The following COG3 variants were observed in gnomAD, a reference collection of about 807,000 sequenced individuals.
COG3 encodes the protein component of oligomeric golgi complex 3.
COG3 carries 32 observed loss-of-function variants against 114.1 expected under a neutral mutation model. That is an observed-to-expected ratio of 0.28 (90% CI 0.21 to 0.38). COG3 has a LOEUF of 0.38. Ranked by LOEUF, COG3 falls within the 10% of genes least tolerant of loss-of-function variation. The pLI is 1.00. For synonymous variants in COG3, 352 were observed against 365.7 expected (o/e 0.96, Z 0.43); for missense variants, 813 against 973.2 (o/e 0.84, Z 2.19).
At position 45,536,229 on chromosome 13, in the gene COG3, G is replaced by T. The variant is rs1873539630; in HGVS notation, c.*1498G>T. On this transcript the variant is annotated 3_prime_UTR_variant, in exon 23 of 23. Transcript: ENST00000349995. ...AAATACATGTTTAATGAAATAAACT[G>T]TAAAATATCCAGTTTTGTGTATTAT... is the stretch of plus-strand genomic sequence containing the variant. 1 of 152,208 alleles carries T rather than the reference G, an allele frequency of 6.6e-6. No homozygotes were observed. Among genetic ancestry groups the T allele is most frequent in the Non-Finnish European group, 1.5e-5 (1 of 68,046 alleles). 9.4% of individuals were successfully genotyped at this position (152,208 alleles called of 1,614,324 possible).
chr13:45,466,840 T>C (rs1470688411), intron 1 of COG3, among the ~76,000 whole-genome samples: 1 of 152,252 alleles, frequency 6.6e-6, no homozygotes, highest in Non-Finnish European at 1.5e-5. Flanking sequence ...CACCCCATTC[T>C]TCCATATTTA....
At chr13:45,505,253 A>G (rs1314704464) in intron 14 of COG3, among the ~76,000 whole-genome samples, 1 of 151,798 alleles carries the variant, frequency 6.6e-6, no homozygotes, top group Non-Finnish European at 1.5e-5. Flanking sequence ...TGTTAAAATG[A>G]TATTTTGGAC....
intron 2 of COG3, among the ~76,000 whole-genome samples, chr13:45,478,438 G>A (rs527424171): frequency 1.1e-4 from 17 of 149,580 alleles, no homozygotes; most frequent in Admixed American, 1.1e-3. Flanking sequence ...CTCGGCCTCC[G>A]AAAGTGCTGA....
At chr13:45,480,019 C>T (rs1886149468) in intron 3 of COG3, 106 bp from the exon 4 acceptor site, 3 of 913,280 alleles carry the variant, frequency 3.3e-6, no homozygotes, top group Non-Finnish European at 1.7e-6. Flanking sequence ...GGCAGTTTTC[C>T]TCCTGAAATT....
At chr13:45,524,628 C>T (rs1872509280) in intron 19 of COG3, among the ~76,000 whole-genome samples, 1 of 152,132 alleles carries the variant, frequency 6.6e-6, no homozygotes, top group Non-Finnish European at 1.5e-5. Context: ...ACGTAACAGT[C>T]CCCTTAAGAG....
intron 21 of COG3, 106 bp downstream of exon 21, chr13:45,530,024 T>C: frequency 1.6e-6 from 2 of 1,249,892 alleles, no homozygotes; most frequent in Non-Finnish European, 2.2e-6. Flanking sequence ...GTTGGTATAC[T>C]GTTCTAGTGA....
intron 22 of COG3, among the ~76,000 whole-genome samples, chr13:45,532,923 T>C (rs1370759914): frequency 6.6e-6 from 1 of 151,586 alleles, no homozygotes; most frequent in Non-Finnish European, 1.5e-5. Context: ...TTTGTGTTCA[T>C]GGGGGAAGAT....
In COG3 at chr13:45,486,161, C is replaced by G. The variant is rs879687291; in HGVS notation, c.844-334C>G. 1.3e-3 allele frequency among the ~76,000 whole-genome samples: 192 copies of G among 143,652 alleles called. 1 individual carries two copies. The highest frequency in any genetic ancestry group is 1.9e-3 in the Non-Finnish European group (131 of 67,196). 94.2% of individuals were successfully genotyped at this position (143,652 alleles called of 152,430 possible). ...CCCGTCTCCACCAAAACCAATCAGG[C>G]GTGGCGGTGCGTGCCTGCAATCGCA... is the stretch of plus-strand genomic sequence containing the variant. On this transcript the variant is annotated intron_variant, in intron 7 of 22. Transcript: ENST00000349995.
At chr13:45,514,360 C>A (rs551496152) in intron 16 of COG3, among the ~76,000 whole-genome samples, 2 of 152,020 alleles carry the variant, frequency 1.3e-5, no homozygotes, top group African/African-American at 4.8e-5. Context: ...AGGGTTTCAC[C>A]GTGTTGGCCA....
intron 11 of COG3, among the ~76,000 whole-genome samples, chr13:45,492,652 A>G (rs2137831392): frequency 6.6e-6 from 1 of 152,258 alleles, no homozygotes; most frequent in East Asian, 1.9e-4. Flanking sequence ...TTTTCTCAAA[A>G]TGTCTTTCAG....
chr13:45,522,303 T>C (rs1011502030), intron 19 of COG3, among the ~76,000 whole-genome samples: 1 of 152,182 alleles, frequency 6.6e-6, no homozygotes, highest in Non-Finnish European at 1.5e-5. Context: ...ACAATATAGA[T>C]GTATTACCGT....
chr13:45,513,499 TTA>T (rs3992924), intron 16 of COG3, among the ~76,000 whole-genome samples: 29,282 of 38,384 alleles, frequency 0.76, 11,955 homozygotes, highest in Admixed American at 0.85. Context: ...TACATATAAA[TTA>T]TATATATAAT....
intron 7 of COG3, among the ~76,000 whole-genome samples, chr13:45,484,176 T>G (rs7323384): frequency 0.097 from 14,827 of 152,262 alleles, 2,049 homozygotes; most frequent in African/African-American, 0.31. Context: ...CTTGTGATGT[T>G]TGGCTTGCAT....
At chr13:45,530,513 C>T (rs1001232746) in intron 21 of COG3, among the ~76,000 whole-genome samples, 169 bp from the exon 22 acceptor site, 1 of 152,200 alleles carries the variant, frequency 6.6e-6, no homozygotes. Flanking sequence ...AAGTCTTCAT[C>T]AGGTCATGCC....
At chr13:45,528,852 T>C (rs1391077219) in intron 20 of COG3, among the ~76,000 whole-genome samples, 1 of 152,228 alleles carries the variant, frequency 6.6e-6, no homozygotes, top group African/African-American at 2.4e-5. Context: ...ACTCTTAACA[T>C]GTCTGTATAC....
chr13:45,500,059 T>TGTGA (rs1555296795), intron 13 of COG3, among the ~76,000 whole-genome samples: 12 of 53,188 alleles, frequency 2.3e-4, no homozygotes, highest in Admixed American at 6.1e-4. Context: ...TGTGTGTGTG[T>TGTGA]GTGTGTGAGT....
At chr13:45,476,506 G>A (rs539516713) in intron 2 of COG3, among the ~76,000 whole-genome samples, 159 bp downstream of exon 2, 1 of 152,250 alleles carries the variant, frequency 6.6e-6, no homozygotes, top group East Asian at 1.9e-4. Flanking sequence ...GGCTGTTTAC[G>A]TGTTTTAAAT....
chr13:45,511,829 C>T lies in COG3; in HGVS notation c.1784C>T (p.Ala595Val), dbSNP rs779277685. The T allele has an allele frequency of 1.3e-5, 21 of 1,613,506 alleles. No homozygotes were observed. In the East Asian group the frequency reaches 2.9e-4, roughly 22 times the overall value. Residue 595 changes from alanine to valine, a missense_variant, in exon 16 of 23, where the codon GCG (alanine) becomes GTG (valine). Ala to Val is a moderately conservative substitution (Grantham distance 64). This residue lies in a region of COG3 where 389 missense variants were observed against 542.6 expected (regional missense o/e 0.72). Transcript: ENST00000349995. ...GCCTGCATTCAGTCCTTACTTGGAG[C>T]GTCAGAGTCTATCAGCAAAAACAAG... is the stretch of plus-strand genomic sequence containing the variant. ...LSACIQSLLG[A>V]SESISKNKTQ...
intron 22 of COG3, chr13:45,534,473 T>G: frequency 5.2e-6 from 2 of 385,694 alleles, no homozygotes; most frequent in Non-Finnish European, 4.6e-6. Flanking sequence ...TTTTCTCTCA[T>G]TCTGTTTTTG....
Sources: gnomAD v4.1 joint callset for allele counts (sites outside exome capture counted in the v4.1 genomes callset) on GRCh38, gnomAD v4.1.1 for gene constraint, gnomAD v4.1.1 regional missense constraint, MANE v1.5 for transcripts, NCBI Gene and HGNC (gene_info 2026-07-23, HGNC 2026-07-21) for gene names.